The following PCDHGB1 variants were observed in gnomAD, a reference collection of about 807,000 sequenced individuals.
PCDHGB1 encodes the protein protocadherin gamma subfamily B, 1.
A neutral mutation model predicts 56.6 loss-of-function variants in PCDHGB1; 34 were observed. That is an observed-to-expected ratio of 0.60 (90% CI 0.46 to 0.80). The LOEUF is 0.80. Ranked by LOEUF, PCDHGB1 falls within the 30% of genes least tolerant of loss-of-function variation. The pLI, the probability that PCDHGB1 is intolerant of heterozygous loss-of-function variation, is 0.00. For synonymous variants in PCDHGB1, 561 were observed against 505.9 expected (o/e 1.11, Z -1.46); for missense variants, 1,278 against 1,204.6 (o/e 1.06, Z -0.90).
At chr5:141,410,132 G>T (rs1278988827) in intron 1 of PCDHGB1, 1 of 1,612,754 alleles carries the variant, frequency 6.2e-7, no homozygotes, top group Non-Finnish European at 8.5e-7. Flanking sequence ...GCGCCTGCTG[G>T]TCGCTGTGCG....
intron 1 of PCDHGB1, chr5:141,440,130 A>G (rs1222064545): frequency 6.6e-6 from 1 of 152,282 alleles, no homozygotes; most frequent in African/African-American, 2.4e-5. Context: ...TGAATGGATC[A>G]GGAGCAGATA....
rs765885822 is a variant in PCDHGB1 at position 141,361,298 on chromosome 5, G to A, written c.2409+8629G>A. ...GGAGAAGTTTACTGCCAAGTGTTGG[G>A]AAATGCCAAGTTTATTTTGAAATCT... On this transcript the variant is annotated intron_variant, in intron 1 of 3. Coordinates refer to ENST00000523390, the MANE Select transcript of PCDHGB1 (RefSeq NM_018922.3). 170 of 1,613,882 alleles carry A rather than the reference G, an allele frequency of 1.1e-4. No individual in the cohort carries two copies. Among genetic ancestry groups the A allele is most frequent in the Non-Finnish European group, 1.3e-4 (151 of 1,179,896 alleles).
chr5:141,426,437 C>T (rs914971616), intron 1 of PCDHGB1: 6 of 300,546 alleles, frequency 2.0e-5, no homozygotes, highest in South Asian at 6.4e-5. Flanking sequence ...GGGAACCTTG[C>T]GGAGGACATG....
intron 1 of PCDHGB1, chr5:141,389,333 C>T (rs753436946): frequency 6.2e-7 from 1 of 1,614,016 alleles, no homozygotes; most frequent in South Asian, 1.1e-5. Flanking sequence ...GGCCCAACGG[C>T]CAAGTCTCTT....
chr5:141,491,646 G>T lies in PCDHGB1; in HGVS notation c.2410-3161G>T. On this transcript the variant is annotated intron_variant, in intron 1 of 3. Transcript: ENST00000523390. The surrounding 1 kb of genome is among the most constrained non-coding windows in gnomAD (Gnocchi z 6.9). ...GCGTTCAGCAGCCCACAGCTCTGGC[G>T]CTGGAGCCTGACGCCATCCGGTCCC... is the stretch of plus-strand genomic sequence containing the variant. 1 of 1,613,872 alleles carries T rather than the reference G, an allele frequency of 6.2e-7. No individual in the cohort carries two copies. The highest frequency in any genetic ancestry group is 8.5e-7 in the Non-Finnish European group (1 of 1,180,030).
At chr5:141,392,818 C>A in intron 1 of PCDHGB1, 1 of 1,589,060 alleles carries the variant, frequency 6.3e-7, no homozygotes, top group Non-Finnish European at 8.6e-7. Flanking sequence ...ACAACAATGG[C>A]CGCTCCACAG....
At chr5:141,446,128 G>T (rs1242643475) in intron 1 of PCDHGB1, among the ~76,000 whole-genome samples, 1 of 152,188 alleles carries the variant, frequency 6.6e-6, no homozygotes, top group Admixed American at 6.5e-5. Context: ...GGTTCAATAA[G>T]ACTTAATAAT....
chr5:141,399,361 C>A (rs375619778), intron 1 of PCDHGB1: 1 of 1,613,960 alleles, frequency 6.2e-7, no homozygotes. Context: ...AGAGCAAACC[C>A]CGGAGTACAA....
At chr5:141,373,534 T>C (rs1191585178) in intron 1 of PCDHGB1, among the ~76,000 whole-genome samples, 1 of 152,172 alleles carries the variant, frequency 6.6e-6, no homozygotes, top group East Asian at 1.9e-4. Flanking sequence ...AAAAAAGTGT[T>C]TGTGGTTGTT....
chr5:141,383,125 G>A (rs757654723), intron 1 of PCDHGB1: 6 of 1,614,062 alleles, frequency 3.7e-6, no homozygotes, highest in South Asian at 3.3e-5. Context: ...GCAGCTTTTC[G>A]CCCTGAACCA....
In PCDHGB1 at chr5:141,375,764, G is replaced by A. The variant is rs746447899; in HGVS notation, c.2409+23095G>A. 1.7e-5 allele frequency: 27 copies of A among 1,614,116 alleles called. No individual in the cohort carries two copies. The highest frequency in any genetic ancestry group is 2.0e-5 in the Non-Finnish European group (24 of 1,180,044). ...GCTGGACCAGAATGACAATGCGCCCGAGATCCTGTACCCCGCCCTCCCCAC... is the reference window on the plus strand; with the variant it reads ...GCTGGACCAGAATGACAATGCGCCCAAGATCCTGTACCCCGCCCTCCCCAC... On this transcript the variant is annotated intron_variant, in intron 1 of 3. Transcript: ENST00000523390.
rs900884760 is a variant in PCDHGB1, at chr5:141,414,031, C to T, written c.2409+61362C>T. ...CAATGGAGAAGTGACATATTCATTC[C>T]GAAAATTACCTGACACGCAATTGTT... On this transcript the variant is annotated intron_variant, in intron 1 of 3. Coordinates refer to ENST00000523390, the MANE Select transcript of PCDHGB1 (RefSeq NM_018922.3). 4 of 1,611,858 alleles carry T rather than the reference C, an allele frequency of 2.5e-6. No homozygotes were observed. The Admixed American group carries it at 6.7e-5, about 27-fold the overall frequency.
chr5:141,505,602 A>G lies in PCDHGB1; in HGVS notation c.2557+121A>G, dbSNP rs1041288927. 4.6e-5 allele frequency: 71 copies of G among 1,534,990 alleles called. 1 individual carries two copies. In the Admixed American group the frequency reaches 1.4e-3, roughly 30 times the overall value. On this transcript the variant is annotated intron_variant, in intron 3 of 3. Coordinates refer to ENST00000523390, the MANE Select transcript of PCDHGB1 (RefSeq NM_018922.3). ...GTGTAGTTTCTCCAGATCTTTCGGC[A>G]GGTCTGAAAGGACCCACAATTCCAA...
At chr5:141,461,242 T>G (rs1246270739) in intron 1 of PCDHGB1, among the ~76,000 whole-genome samples, 1 of 152,170 alleles carries the variant, frequency 6.6e-6, no homozygotes, top group Non-Finnish European at 1.5e-5. Context: ...TGTACTAATT[T>G]ATATTCCCAG....
chr5:141,435,454 T>C (rs1407615505), intron 1 of PCDHGB1, among the ~76,000 whole-genome samples: 1 of 152,220 alleles, frequency 6.6e-6, no homozygotes, highest in Non-Finnish European at 1.5e-5. Flanking sequence ...ACGATATCTG[T>C]ATGTGTTTCC....
Position 141,432,153 on chromosome 5 carries a change from A to T in PCDHGB1, c.2410-62654A>T. 6.2e-7 allele frequency: 1 copy of T among 1,613,758 alleles called. No homozygotes were observed. The highest frequency in any genetic ancestry group is 8.5e-7 in the Non-Finnish European group (1 of 1,179,910). On this transcript the variant is annotated intron_variant, in intron 1 of 3. Transcript: ENST00000523390. This position sits in a 1 kb window ranked among gnomAD's most constrained non-coding sequence, Gnocchi z 6.0. ...TATTCCGCTTATATCCCAGAGAACA[A>T]TCCCAGAGGAGTTTCCCTCGTCTCT...
Position 141,485,263 on chromosome 5 carries a change from G to A in PCDHGB1, c.2410-9544G>A. 1 of 1,614,162 alleles carries A rather than the reference G, an allele frequency of 6.2e-7. No individual in the cohort carries two copies. On this transcript the variant is annotated intron_variant, in intron 1 of 3. Transcript: ENST00000523390. This position sits in a 1 kb window ranked among gnomAD's most constrained non-coding sequence, Gnocchi z 5.7. ...ACCACCTGGGTTACGTTTGTGGGCA[G>A]ATCCGCTACCCGGTCCCAGAGGAGT...
intron 1 of PCDHGB1, chr5:141,414,676 CA>C (rs779931467): frequency 5.6e-5 from 91 of 1,613,916 alleles, no homozygotes; most frequent in Middle Eastern, 1.6e-4. Context: ...AGACACCATC[CA>C]GGGGGTACCT....
intron 1 of PCDHGB1, chr5:141,379,270 GATTT>G (rs1013953164): frequency 5.3e-5 from 8 of 152,170 alleles, no homozygotes; most frequent in African/African-American, 7.2e-5. Context: ...AATTGTTATA[GATTT>G]ATTTATTTCA....
Sources: allele counts gnomAD v4.1 joint callset (sites outside exome capture counted in the v4.1 genomes callset), GRCh38; gene constraint gnomAD v4.1.1; non-coding constraint Gnocchi (gnomAD v3.1); transcripts MANE v1.5; gene names NCBI Gene and HGNC (gene_info 2026-07-23, HGNC 2026-07-21).